CSNK2A2IP: variants seen among roughly 807,000 people sequenced by gnomAD.
The protein encoded by CSNK2A2IP is casein kinase 2 subunit alpha' interacting protein.
chr3:88,450,940 A>C, the CSNK2A2IP span, among the ~76,000 whole-genome samples: 1 of 152,070 alleles, frequency 6.6e-6, no homozygotes, highest in Non-Finnish European at 1.5e-5. Context: ...TGTTTTTTAT[A>C]CTGACTGTGT....
chr3:88,396,266 C>T, the CSNK2A2IP span, among the ~76,000 whole-genome samples: 1 of 151,574 alleles, frequency 6.6e-6, no homozygotes, highest in Non-Finnish European at 1.5e-5. Flanking sequence ...CCACCTCGCC[C>T]GGCTAATTTT....
At chr3:88,397,132 A>G in the CSNK2A2IP span, among the ~76,000 whole-genome samples, 1 of 152,316 alleles carries the variant, frequency 6.6e-6, no homozygotes, top group South Asian at 2.1e-4. Flanking sequence ...TTACCGCCCA[A>G]TAGGAAATAG....
chr3:88,465,611 A>G, the CSNK2A2IP span: 6 of 1,231,590 alleles, frequency 4.9e-6, no homozygotes, highest in African/African-American at 9.3e-5. Context: ...AGCTTCTGTG[A>G]TAGGTTTCTG....
At chr3:88,371,020 C>T in the CSNK2A2IP span, among the ~76,000 whole-genome samples, 1 of 151,740 alleles carries the variant, frequency 6.6e-6, no homozygotes, top group Non-Finnish European at 1.5e-5. Context: ...TCCTCTTTGA[C>T]TTTTAGCTTT....
chr3:88,383,129 T>A, the CSNK2A2IP span, among the ~76,000 whole-genome samples: 1 of 152,086 alleles, frequency 6.6e-6, no homozygotes. Flanking sequence ...ATCTTCTTCT[T>A]CTCTTTTGGA....
the CSNK2A2IP span, among the ~76,000 whole-genome samples, chr3:88,412,415 C>T: frequency 6.6e-6 from 1 of 152,006 alleles, no homozygotes; most frequent in African/African-American, 2.4e-5. Context: ...AGAGGCTCAT[C>T]CCATTCTTGT....
At chr3:88,466,183 T>C in the CSNK2A2IP span, 1 of 1,231,676 alleles carries the variant, frequency 8.1e-7, no homozygotes, top group African/African-American at 1.5e-5. Flanking sequence ...ATTACTTGAC[T>C]CTAGGCTTCA....
chr3:88,429,122 C>G, the CSNK2A2IP span, among the ~76,000 whole-genome samples: 1 of 151,490 alleles, frequency 6.6e-6, no homozygotes, highest in Non-Finnish European at 1.5e-5. Flanking sequence ...GGCTATTAAC[C>G]AATACCACAG....
At chr3:88,365,288 T>C in the CSNK2A2IP span, among the ~76,000 whole-genome samples, 4 of 152,232 alleles carry the variant, frequency 2.6e-5, no homozygotes, top group African/African-American at 7.2e-5. Flanking sequence ...GAAGTGAATG[T>C]AGTTAGAACT....
the CSNK2A2IP span, among the ~76,000 whole-genome samples, chr3:88,344,253 A>G: frequency 1.6e-3 from 219 of 137,448 alleles, no homozygotes; most frequent in Non-Finnish European, 3.0e-3. Context: ...TTCCATTACC[A>G]ACAAAATTTT....
At chr3:88,411,664 CAACTT>C in the CSNK2A2IP span, among the ~76,000 whole-genome samples, 1 of 151,652 alleles carries the variant, frequency 6.6e-6, no homozygotes, top group African/African-American at 2.4e-5. Flanking sequence ...TTGTTTGAAA[CAACTT>C]AGATATGGGT....
the CSNK2A2IP span, among the ~76,000 whole-genome samples, chr3:88,464,001 A>T: frequency 6.6e-6 from 1 of 151,988 alleles, no homozygotes; most frequent in African/African-American, 2.4e-5. Context: ...TGATGAGTTC[A>T]TGTCCTTTGT....
the CSNK2A2IP span, among the ~76,000 whole-genome samples, chr3:88,430,153 A>G: frequency 1.3e-5 from 2 of 152,136 alleles, no homozygotes; most frequent in Non-Finnish European, 2.9e-5. Flanking sequence ...CTTTACATGC[A>G]TGATGAATGT....
At chr3:88,377,332 C>G in the CSNK2A2IP span, among the ~76,000 whole-genome samples, 2 of 151,754 alleles carry the variant, frequency 1.3e-5, no homozygotes, top group South Asian at 4.1e-4. Context: ...TTTCTTTTAT[C>G]TCTATCTTTT....
chr3:88,366,325 G>C, the CSNK2A2IP span, among the ~76,000 whole-genome samples: 1 of 152,256 alleles, frequency 6.6e-6, no homozygotes, highest in East Asian at 1.9e-4. Flanking sequence ...AGCCACAGTT[G>C]TATATGGGTA....
the CSNK2A2IP span, among the ~76,000 whole-genome samples, chr3:88,426,117 C>A: frequency 3.2e-4 from 49 of 152,190 alleles, no homozygotes; most frequent in African/African-American, 1.1e-3. Context: ...AATTAAAAAA[C>A]CCAAAGGAAT....
At chr3:88,370,719 G>C in the CSNK2A2IP span, among the ~76,000 whole-genome samples, 1 of 150,952 alleles carries the variant, frequency 6.6e-6, no homozygotes, top group African/African-American at 2.4e-5. Context: ...ATCTGTTATG[G>C]ATTGAATGTT....
chr3:88,459,381 C>T, the CSNK2A2IP span, among the ~76,000 whole-genome samples: 14 of 151,946 alleles, frequency 9.2e-5, no homozygotes, highest in African/African-American at 3.1e-4. Context: ...GTGACCCATA[C>T]GTATTTACTC....
chr3:88,424,364 G>A, the CSNK2A2IP span, among the ~76,000 whole-genome samples: 2 of 152,100 alleles, frequency 1.3e-5, no homozygotes, highest in African/African-American at 4.8e-5. Context: ...TGCTGTAGAA[G>A]GAAGCTAGTT....
Sources: allele counts gnomAD v4.1 joint callset (sites outside exome capture counted in the v4.1 genomes callset), GRCh38; gene constraint gnomAD v4.1.1; transcripts MANE v1.5; gene names NCBI Gene and HGNC (gene_info 2026-07-23, HGNC 2026-07-21).